The following ZFHX3 variants were observed in gnomAD, a reference collection of about 807,000 sequenced individuals.
The protein encoded by ZFHX3 is zinc finger homeobox protein 3.
A neutral mutation model predicts 279.1 loss-of-function variants in ZFHX3; 42 were observed. The observed-to-expected ratio is 0.15, with a 90% CI of 0.12 to 0.19. The LOEUF (loss-of-function observed/expected upper bound fraction) is 0.19, where lower values mean the gene tolerates loss of function less well. Among genes scored for constraint, ZFHX3 ranks in the 10% least tolerant of loss-of-function variants. The pLI, the probability that ZFHX3 is intolerant of heterozygous loss-of-function variation, is 1.00. For synonymous variants in ZFHX3, 2,293 were observed against 1,957.8 expected (o/e 1.17, Z -4.52); for missense variants, 4,981 against 4,754.0 (o/e 1.05, Z -1.40).
At chr16:72,869,342 G>C (rs568952513) in intron 4 of ZFHX3, among the ~76,000 whole-genome samples, 1 of 152,050 alleles carries the variant, frequency 6.6e-6, no homozygotes, top group African/African-American at 2.4e-5. Context: ...CCAACCAGAG[G>C]CTCAGTTATA....
chr16:73,221,513 C>G (rs1009039850), intron 5 of ZFHX3, among the ~76,000 whole-genome samples: 2 of 151,950 alleles, frequency 1.3e-5, no homozygotes, highest in African/African-American at 4.8e-5. Context: ...ACAGTGTACA[C>G]AGCTCAGGTA....
intron 1 of ZFHX3, among the ~76,000 whole-genome samples, chr16:72,964,827 G>T (rs1015788686): frequency 2.0e-5 from 3 of 152,136 alleles, no homozygotes; most frequent in Non-Finnish European, 4.4e-5. Flanking sequence ...TTAGAAATGG[G>T]AAAACTGAGG....
In ZFHX3 at chr16:72,793,171, A is replaced by G; in HGVS notation, c.9427+84T>C. The G allele has an allele frequency of 1.3e-6, 2 of 1,518,618 alleles. No homozygotes were observed. Among genetic ancestry groups the G allele is most frequent in the African/African-American group, 2.8e-5 (2 of 71,850 alleles). The allele number at this position is 1,518,618 out of a possible 1,614,324, so 94.1% of individuals were successfully genotyped here. A position where few individuals can be genotyped will look rare whatever the true frequency, so the allele number is the denominator to read the frequency against. On this transcript the variant is annotated intron_variant, in intron 9 of 9. Coordinates refer to ENST00000268489, the MANE Select transcript of ZFHX3 (RefSeq NM_006885.4). The surrounding 1 kb of genome is among the most constrained non-coding windows in gnomAD (Gnocchi z 4.3). ...TAAGCTTCCCATCTGCCCAGCACTC[A>G]GAGGGTTTGGGTGGTATCCACATAA...
At chr16:73,179,641 G>A (rs1305595556) in intron 5 of ZFHX3, among the ~76,000 whole-genome samples, 1 of 152,024 alleles carries the variant, frequency 6.6e-6, no homozygotes, top group Non-Finnish European at 1.5e-5. Flanking sequence ...GGGTCTCCCT[G>A]CTCAACTCAG....
chr16:72,985,027 A>G (rs1962787138), intron 1 of ZFHX3, among the ~76,000 whole-genome samples: 1 of 152,176 alleles, frequency 6.6e-6, no homozygotes, highest in Non-Finnish European at 1.5e-5. Flanking sequence ...TACCCCTACC[A>G]CCACCACTAC....
At chr16:73,609,874 C>G (rs888587331) in intron 2 of ZFHX3, 1 of 152,132 alleles carries the variant, frequency 6.6e-6, no homozygotes, top group African/African-American at 2.4e-5. Context: ...TGTGAAAATT[C>G]CAGAGTTGTT....
intron 1 of ZFHX3, among the ~76,000 whole-genome samples, chr16:73,854,933 T>C (rs751687604): frequency 2.6e-5 from 4 of 151,556 alleles, no homozygotes; most frequent in Non-Finnish European, 1.5e-5. Context: ...CAAGGGGACA[T>C]GTATGTTGTT....
chr16:73,432,491 T>C (rs1418436838), intron 3 of ZFHX3, among the ~76,000 whole-genome samples: 1 of 152,184 alleles, frequency 6.6e-6, no homozygotes, highest in African/African-American at 2.4e-5. Context: ...TCCTATGTGA[T>C]CCACTGATCT....
At chr16:73,356,178 G>A (rs2016337859) in intron 3 of ZFHX3, among the ~76,000 whole-genome samples, 1 of 152,154 alleles carries the variant, frequency 6.6e-6, no homozygotes, top group Non-Finnish European at 1.5e-5. Flanking sequence ...ACCCCCCGCC[G>A]ACCATTGCCA....
intron 5 of ZFHX3, among the ~76,000 whole-genome samples, chr16:73,231,216 A>C (rs868721137): frequency 6.6e-6 from 1 of 152,172 alleles, no homozygotes; most frequent in Admixed American, 6.5e-5. Context: ...TGACTTCAGG[A>C]ATCTGAGGCC....
chr16:73,179,617 A>G (rs1967746448), intron 5 of ZFHX3, among the ~76,000 whole-genome samples: 1 of 152,212 alleles, frequency 6.6e-6, no homozygotes, highest in Non-Finnish European at 1.5e-5. Context: ...CAACTCTAGA[A>G]GGTTAGGGAA....
intron 1 of ZFHX3, among the ~76,000 whole-genome samples, chr16:72,999,630 G>A (rs956670493): frequency 2.0e-4 from 31 of 152,148 alleles, no homozygotes; most frequent in African/African-American, 7.0e-4. Context: ...TGGCTCAGGG[G>A]TGACCCATCT....
chr16:73,118,573 C>G (rs1966459504), intron 7 of ZFHX3, among the ~76,000 whole-genome samples: 2 of 152,130 alleles, frequency 1.3e-5, no homozygotes, highest in Admixed American at 1.3e-4. Flanking sequence ...TATTGTATAC[C>G]TCCCATTCTT....
chr16:73,190,737 T>C (rs1968013456), intron 5 of ZFHX3, among the ~76,000 whole-genome samples: 1 of 152,136 alleles, frequency 6.6e-6, no homozygotes, highest in Non-Finnish European at 1.5e-5. Flanking sequence ...TTGAACCGTT[T>C]TATCCGGATT....
At chr16:73,003,512 A>ACCCCCCC (rs142323888) in intron 1 of ZFHX3, among the ~76,000 whole-genome samples, 24 of 120,718 alleles carry the variant, frequency 2.0e-4, no homozygotes, top group African/African-American at 3.8e-4. Flanking sequence ...ACATGGTGAG[A>ACCCCCCC]CCCCCCCCTC....
chr16:73,763,612 G>A (rs2053895682), intron 1 of ZFHX3, among the ~76,000 whole-genome samples: 1 of 152,152 alleles, frequency 6.6e-6, no homozygotes, highest in Non-Finnish European at 1.5e-5. Flanking sequence ...GACACTCAAT[G>A]AGTCACACTC....
chr16:72,923,343 G>A (rs1157395863), intron 3 of ZFHX3, among the ~76,000 whole-genome samples: 1 of 151,884 alleles, frequency 6.6e-6, no homozygotes, highest in African/African-American at 2.4e-5. Flanking sequence ...TACTCGGGAG[G>A]CAGAGGTGGG....
intron 1 of ZFHX3, among the ~76,000 whole-genome samples, chr16:72,963,207 C>T (rs1456466448): frequency 1.3e-5 from 2 of 152,166 alleles, no homozygotes; most frequent in African/African-American, 2.4e-5. Flanking sequence ...GCTCCCTCCA[C>T]GTTCTGTGCC....
intron 8 of ZFHX3, among the ~76,000 whole-genome samples, chr16:73,069,292 A>G (rs1965794352): frequency 6.6e-6 from 1 of 152,226 alleles, no homozygotes; most frequent in East Asian, 1.9e-4. Flanking sequence ...ACACTTGTGC[A>G]TACTGACTGG....
Sources: gnomAD v4.1 joint callset for allele counts (sites outside exome capture counted in the v4.1 genomes callset) on GRCh38, gnomAD v4.1.1 for gene constraint, Gnocchi (gnomAD v3.1) non-coding constraint, MANE v1.5 for transcripts, NCBI Gene and HGNC (gene_info 2026-07-23, HGNC 2026-07-21) for gene names.